Variants in C12orf42 observed in about 807,000 individuals in gnomAD.
C12orf42 encodes the protein chromosome 12 open reading frame 42.
A neutral mutation model predicts 21.6 loss-of-function variants in C12orf42; 25 were observed. The observed-to-expected ratio is 1.16, with a 90% CI of 0.84 to 1.62. The LOEUF (loss-of-function observed/expected upper bound fraction) is 1.62, where lower values mean the gene tolerates loss of function less well. C12orf42 is among the 40% of genes most tolerant of loss of function. The pLI is 0.00. For missense variants in C12orf42, 483 were observed against 459.3 expected (o/e 1.05, Z -0.47); for synonymous variants, 174 against 175.0 (o/e 0.99, Z 0.05).
chr12:103,424,607 G>A (rs1288403981), intron 2 of C12orf42, among the ~76,000 whole-genome samples: 1 of 152,200 alleles, frequency 6.6e-6, no homozygotes, highest in Non-Finnish European at 1.5e-5. Context: ...AGGAAGTTGT[G>A]AGGGACTGTG....
the C12orf42 span, among the ~76,000 whole-genome samples, chr12:103,544,877 A>C: frequency 6.6e-6 from 1 of 152,130 alleles, no homozygotes; most frequent in Admixed American, 6.5e-5. Flanking sequence ...AGGGGTGGAC[A>C]GCTTTATTTT....
the C12orf42 span, among the ~76,000 whole-genome samples, chr12:103,143,769 T>C: frequency 6.6e-6 from 1 of 152,228 alleles, no homozygotes; most frequent in Admixed American, 6.5e-5. Flanking sequence ...TTTTACTTAA[T>C]TGTAATCTGT....
chr12:103,478,096 G>A lies in C12orf42; in HGVS notation c.78+253C>T, dbSNP rs1003791461. On this transcript the variant is annotated intron_variant, in intron 2 of 5. Coordinates refer to ENST00000548883, the MANE Select transcript of C12orf42 (RefSeq NM_198521.5). ...AACATAAGAAATAAATAATAGCAAAGACAACACATTTCTAAGTTTTCCTAG... is the reference window on the plus strand; with the variant it reads ...AACATAAGAAATAAATAATAGCAAAAACAACACATTTCTAAGTTTTCCTAG... The A allele has an allele frequency of 4.8e-5, 18 of 373,188 alleles. No homozygotes were observed. The Admixed American group carries it at 8.6e-4, about 18-fold the overall frequency. 23.1% of individuals were successfully genotyped at this position (373,188 alleles called of 1,614,324 possible).
the C12orf42 span, among the ~76,000 whole-genome samples, chr12:103,167,094 T>C: frequency 4.0e-3 from 606 of 152,308 alleles, 7 homozygotes; most frequent in African/African-American, 0.014. Flanking sequence ...ACATCTCAGA[T>C]TGGACAGGTT....
chr12:103,399,813 A>C (rs529501326), intron 3 of C12orf42, among the ~76,000 whole-genome samples: 1 of 152,312 alleles, frequency 6.6e-6, no homozygotes, highest in East Asian at 1.9e-4. Context: ...ACTGGAATAC[A>C]TACACACAGA....
In C12orf42 at chr12:103,433,353, T is replaced by C. The variant is rs537347354; in HGVS notation, c.79-31678A>G. Among the ~76,000 whole-genome samples, 8 of 152,354 alleles carry C rather than the reference T, an allele frequency of 5.3e-5. No homozygotes were observed. In the East Asian group the frequency reaches 1.3e-3, roughly 26 times the overall value. On this transcript the variant is annotated intron_variant, in intron 2 of 5. Transcript: ENST00000548883. Reference sequence around the variant, plus strand: ...AGCTAGCACAATTATTAATGAATTATGAATGAGGAATTCACAAGGAAAGCA... The same window carrying C: ...AGCTAGCACAATTATTAATGAATTACGAATGAGGAATTCACAAGGAAAGCA...
intron 4 of C12orf42, among the ~76,000 whole-genome samples, chr12:103,281,480 A>G (rs1234466716): frequency 6.6e-6 from 1 of 151,978 alleles, no homozygotes; most frequent in East Asian, 1.9e-4. Flanking sequence ...CTCCTGCCTC[A>G]GCCTCCCAAG....
At chr12:103,526,106 C>T in the C12orf42 span, among the ~76,000 whole-genome samples, 1 of 152,154 alleles carries the variant, frequency 6.6e-6, no homozygotes, top group African/African-American at 2.4e-5. Flanking sequence ...AACCAATCAC[C>T]CACATGTGTT....
At chr12:103,295,835 A>T (rs2037232666) in intron 4 of C12orf42, among the ~76,000 whole-genome samples, 1 of 151,926 alleles carries the variant, frequency 6.6e-6, no homozygotes, top group African/African-American at 2.4e-5. Context: ...CCTTTGCAGT[A>T]AAAAAAACAT....
upstream of C12orf42, among the ~76,000 whole-genome samples, chr12:103,496,865 T>C (rs1955569879): frequency 4.1e-5 from 6 of 147,236 alleles, no homozygotes; most frequent in South Asian, 1.1e-3. Context: ...TCTTGTTAGA[T>C]CTCATTCAAA....
At chr12:103,049,934 T>G in the C12orf42 span, among the ~76,000 whole-genome samples, 1 of 152,192 alleles carries the variant, frequency 6.6e-6, no homozygotes, top group Non-Finnish European at 1.5e-5. Flanking sequence ...TTCTCTGTTT[T>G]ATTTGTGTCT....
chr12:103,430,175 A>C (rs1451354198), intron 2 of C12orf42, among the ~76,000 whole-genome samples: 1 of 152,244 alleles, frequency 6.6e-6, no homozygotes, highest in Non-Finnish European at 1.5e-5. Context: ...GTGAACAGGC[A>C]ACTTACAGAA....
chr12:103,245,379 G>A (rs2136179942), intron 10 of C12orf42, among the ~76,000 whole-genome samples: 1 of 152,158 alleles, frequency 6.6e-6, no homozygotes, highest in African/African-American at 2.4e-5. Flanking sequence ...ACAAGCTATG[G>A]AATCACAAAG....
intron 1 of C12orf42, among the ~76,000 whole-genome samples, chr12:103,483,434 A>G (rs1368564859): frequency 6.6e-6 from 1 of 152,146 alleles, no homozygotes; most frequent in Non-Finnish European, 1.5e-5. Flanking sequence ...GTTTCCCAGA[A>G]AGGATCCAGC....
chr12:103,261,650 T>A (rs903868495), intron 10 of C12orf42, among the ~76,000 whole-genome samples: 14 of 152,030 alleles, frequency 9.2e-5, no homozygotes, highest in Admixed American at 3.9e-4. Context: ...ATTACATTTT[T>A]AAAAAATATT....
At chr12:103,322,023 G>GA (rs946288518) in intron 4 of C12orf42, among the ~76,000 whole-genome samples, 16 of 151,078 alleles carry the variant, frequency 1.1e-4, no homozygotes, top group South Asian at 6.3e-4. Flanking sequence ...AATAATAAAA[G>GA]AAAAAAAAAT....
intron 4 of C12orf42, among the ~76,000 whole-genome samples, chr12:103,284,140 G>C (rs576926635): frequency 3.9e-5 from 6 of 152,242 alleles, no homozygotes; most frequent in Admixed American, 6.5e-5. Context: ...GGCTGTCTCG[G>C]AGAACATTAC....
intron 4 of C12orf42, among the ~76,000 whole-genome samples, chr12:103,330,312 G>A (rs7138383): frequency 0.35 from 53,579 of 152,024 alleles, 10,589 homozygotes; most frequent in East Asian, 0.56. Context: ...TGTGTTAAAT[G>A]CCACTAATAA....
the C12orf42 span, among the ~76,000 whole-genome samples, chr12:103,112,414 C>A: frequency 6.6e-6 from 1 of 152,100 alleles, no homozygotes; most frequent in Non-Finnish European, 1.5e-5. Context: ...AATTCCAGCA[C>A]TTTGGGAAGC....
Sources: allele counts gnomAD v4.1 joint callset (sites outside exome capture counted in the v4.1 genomes callset), GRCh38; gene constraint gnomAD v4.1.1; transcripts MANE v1.5; gene names NCBI Gene and HGNC (gene_info 2026-07-23, HGNC 2026-07-21).